The following CADPS variants were observed in gnomAD, a reference collection of about 807,000 sequenced individuals.
CADPS encodes calcium-dependent secretion activator 1.
In CADPS, 57 loss-of-function variants were observed where a neutral mutation model predicts 167.3. That is an observed-to-expected ratio of 0.34 (90% CI 0.28 to 0.42). The LOEUF (loss-of-function observed/expected upper bound fraction) is 0.42. Ranked by LOEUF, CADPS falls within the 20% of genes least tolerant of loss-of-function variation. The pLI is 1.00. For missense variants in CADPS, 1,414 were observed against 1,738.1 expected (o/e 0.81, Z 3.32); for synonymous variants, 676 against 635.3 (o/e 1.06, Z -0.96).
At chr3:62,523,314 T>C (rs74803829) in intron 13 of CADPS, among the ~76,000 whole-genome samples, 4,073 of 152,274 alleles carry the variant, frequency 0.027, 65 homozygotes, top group East Asian at 0.058. Context: ...ATATCTATTA[T>C]AGGATTAATA....
intron 1 of CADPS, among the ~76,000 whole-genome samples, chr3:62,828,032 G>C (rs1214205759): frequency 6.6e-6 from 1 of 152,126 alleles, no homozygotes; most frequent in Middle Eastern, 3.2e-3. Context: ...CTGTATTTTG[G>C]CCAGGACACT....
chr3:62,489,854 G>A (rs1003902720), intron 21 of CADPS, among the ~76,000 whole-genome samples: 2 of 152,042 alleles, frequency 1.3e-5, no homozygotes, highest in African/African-American at 4.8e-5. Flanking sequence ...AAAAAATAGA[G>A]GCTCTCAATA....
chr3:62,685,823 A>G (rs1228645193), intron 3 of CADPS, among the ~76,000 whole-genome samples: 2 of 152,126 alleles, frequency 1.3e-5, no homozygotes, highest in East Asian at 1.9e-4. Flanking sequence ...TTGCGCTCCT[A>G]TGAGAATCTA....
intron 1 of CADPS, among the ~76,000 whole-genome samples, chr3:62,776,198 G>A (rs1482848957): frequency 6.6e-6 from 1 of 152,182 alleles, no homozygotes; most frequent in Non-Finnish European, 1.5e-5. Flanking sequence ...CAGGAGGAGA[G>A]TGCTAGGGTA....
At chr3:62,669,543 C>G (rs529656595) in intron 3 of CADPS, among the ~76,000 whole-genome samples, 2 of 152,286 alleles carry the variant, frequency 1.3e-5, no homozygotes, top group African/African-American at 4.8e-5. Flanking sequence ...TAAAGCCTGT[C>G]TCTTGTGTGT....
chr3:62,640,699 CA>C (rs1488344318), intron 6 of CADPS, among the ~76,000 whole-genome samples: 1 of 152,118 alleles, frequency 6.6e-6, no homozygotes, highest in African/African-American at 2.4e-5. Context: ...GTTAAATAAT[CA>C]AATGCCAAGT....
intron 3 of CADPS, among the ~76,000 whole-genome samples, chr3:62,751,223 G>C (rs935799933): frequency 2.0e-5 from 3 of 152,120 alleles, no homozygotes; most frequent in Middle Eastern, 6.8e-3. Context: ...ACTTTTGTTT[G>C]CCAATACACT....
intron 7 of CADPS, among the ~76,000 whole-genome samples, chr3:62,587,235 A>C (rs960376403): frequency 2.6e-5 from 4 of 152,192 alleles, no homozygotes; most frequent in African/African-American, 7.2e-5. Context: ...GATTTAGTTA[A>C]AGCTCCAGCA....
intron 4 of CADPS, among the ~76,000 whole-genome samples, chr3:62,652,726 A>G (rs915712876): frequency 1.3e-5 from 2 of 151,936 alleles, no homozygotes; most frequent in African/African-American, 4.8e-5. Flanking sequence ...GAGGAGAGAA[A>G]AGAAAAGAAA....
At chr3:62,758,563 C>A (rs1327675479) in intron 2 of CADPS, among the ~76,000 whole-genome samples, 1 of 152,216 alleles carries the variant, frequency 6.6e-6, no homozygotes, top group Non-Finnish European at 1.5e-5. Context: ...GTCTCTAAAA[C>A]AACTATTCAA....
chr3:62,399,434 C>G lies in CADPS; in HGVS notation c.4034G>C (p.Ser1345Thr). Residue 1345 changes from serine (S) to threonine (T), a missense_variant, in exon 30 of 30, where the codon AGC becomes ACC. Coordinates refer to ENST00000383710, the MANE Select transcript of CADPS (RefSeq NM_003716.4). The surrounding 1 kb of genome is among the most constrained non-coding windows in gnomAD (Gnocchi z 5.6). ...GGLQGISMKD[S>T]DEEDEEDD Reference sequence around the variant, plus strand: ...ATCGTCTTCTTCGTCTTCCTCATCGCTGTCCTTCATGCTGATGCCCTGCAG... The same window carrying G: ...ATCGTCTTCTTCGTCTTCCTCATCGGTGTCCTTCATGCTGATGCCCTGCAG... 1 of 1,614,184 alleles carries G rather than the reference C, an allele frequency of 6.2e-7. No homozygotes were observed. Among genetic ancestry groups the G allele is most frequent in the South Asian group, 1.1e-5 (1 of 91,080 alleles).
At chr3:62,685,863 G>T (rs915021834) in intron 3 of CADPS, among the ~76,000 whole-genome samples, 2 of 152,110 alleles carry the variant, frequency 1.3e-5, no homozygotes, top group African/African-American at 4.8e-5. Flanking sequence ...AGGAGGTGGA[G>T]CTCAGGCAGT....
At chr3:62,844,828 C>T (rs898951029) in intron 1 of CADPS, among the ~76,000 whole-genome samples, 1 of 152,134 alleles carries the variant, frequency 6.6e-6, no homozygotes, top group Admixed American at 6.5e-5. Context: ...TGGTCAAACT[C>T]TGGCTAAGCT....
chr3:62,758,357 C>A (rs978257327), intron 2 of CADPS, among the ~76,000 whole-genome samples: 4 of 152,080 alleles, frequency 2.6e-5, no homozygotes, highest in Non-Finnish European at 5.9e-5. Flanking sequence ...AGGAAAGAGG[C>A]CAAAGACTGG....
chr3:62,610,896 G>C (rs2061419402), intron 6 of CADPS, among the ~76,000 whole-genome samples: 1 of 150,548 alleles, frequency 6.6e-6, no homozygotes, highest in African/African-American at 2.4e-5. Flanking sequence ...GGTGTGGGGG[G>C]CTGATTTTGC....
chr3:62,499,030 T>C (rs1576868470), intron 18 of CADPS, 132 bp downstream of exon 18: 1 of 558,708 alleles, frequency 1.8e-6, no homozygotes, highest in East Asian at 2.8e-5. Context: ...AACTTCCACT[T>C]TCATTCCCTT....
At chr3:62,715,871 G>C (rs1474562682) in intron 3 of CADPS, among the ~76,000 whole-genome samples, 1 of 118,506 alleles carries the variant, frequency 8.4e-6, no homozygotes, top group Non-Finnish European at 1.7e-5. Context: ...TCAGCCTCCT[G>C]AGTAGCTGGA....
chr3:62,529,035 C>T (rs1028876268), intron 13 of CADPS, among the ~76,000 whole-genome samples: 25 of 152,060 alleles, frequency 1.6e-4, no homozygotes, highest in African/African-American at 5.8e-4. Context: ...GTGGCAGTCA[C>T]CTGTAATCCC....
chr3:62,683,452 T>C (rs1355631401), intron 3 of CADPS, among the ~76,000 whole-genome samples: 2 of 152,064 alleles, frequency 1.3e-5, no homozygotes, highest in Non-Finnish European at 2.9e-5. Context: ...TTTTTTGTAT[T>C]AAATCAGCTG....
Sources: allele counts gnomAD v4.1 joint callset (sites outside exome capture counted in the v4.1 genomes callset), GRCh38; gene constraint gnomAD v4.1.1; non-coding constraint Gnocchi (gnomAD v3.1); transcripts MANE v1.5; gene names NCBI Gene and HGNC (gene_info 2026-07-23, HGNC 2026-07-21).